The following PCDH9 variants were observed in gnomAD, a reference collection of about 807,000 sequenced individuals.
PCDH9 encodes protocadherin-9.
A neutral mutation model predicts 70.6 loss-of-function variants in PCDH9; 24 were observed. The ratio of observed to expected loss-of-function variants is 0.34; its 90% confidence interval spans 0.25 to 0.48. PCDH9 has a LOEUF of 0.48. Ranked by LOEUF, PCDH9 falls within the 20% of genes least tolerant of loss-of-function variation. PCDH9 has a pLI of 0.99. For missense variants in PCDH9, 1,281 were observed against 1,503.6 expected (o/e 0.85, Z 2.45); for synonymous variants, 562 against 558.5 (o/e 1.01, Z -0.09).
In PCDH9 at chr13:66,849,515, T is replaced by TAGAGAGAG. The variant is rs1315844570; in HGVS notation, c.3138+53988_3138+53989insCTCTCTCT. 4.8e-3 allele frequency among the ~76,000 whole-genome samples: 348 copies of TAGAGAGAG among 72,452 alleles called. 4 individuals carry two copies. Among genetic ancestry groups the TAGAGAGAG allele is most frequent in the African/African-American group, 9.6e-3 (146 of 15,192 alleles). The allele number at this position is 72,452 out of a possible 152,430, so 47.5% of individuals were successfully genotyped here. On this transcript the variant is annotated intron_variant, in intron 3 of 4. Coordinates refer to ENST00000377865, the MANE Select transcript of PCDH9 (RefSeq NM_203487.3). Reference sequence around the variant, plus strand: ...ATATATATATATATATATATATATATATAGAGAGAGAGAGAGAGAGAGAGA... The same window carrying TAGAGAGAG: ...ATATATATATATATATATATATATATAGAGAGAGATAGAGAGAGAGAGAGAGAGAGAGA...
At chr13:66,962,719 A>G (rs779776399) in intron 2 of PCDH9, among the ~76,000 whole-genome samples, 1 of 152,242 alleles carries the variant, frequency 6.6e-6, no homozygotes, top group Non-Finnish European at 1.5e-5. Context: ...ATTACATCAC[A>G]CTTGGCTGTA....
intron 2 of PCDH9, among the ~76,000 whole-genome samples, chr13:67,115,688 C>T (rs1016754336): frequency 3.3e-5 from 5 of 151,370 alleles, no homozygotes; most frequent in Admixed American, 1.3e-4. Context: ...TGGATATTGA[C>T]CAGTTTTACC....
chr13:66,832,147 G>A (rs1290480998), intron 3 of PCDH9, among the ~76,000 whole-genome samples: 1 of 152,018 alleles, frequency 6.6e-6, no homozygotes, highest in Non-Finnish European at 1.5e-5. Flanking sequence ...ATTGCTAGCT[G>A]AGAGGAACAA....
At chr13:66,995,714 C>T (rs939030510) in intron 2 of PCDH9, among the ~76,000 whole-genome samples, 1 of 152,132 alleles carries the variant, frequency 6.6e-6, no homozygotes, top group African/African-American at 2.4e-5. Context: ...TTTCTTCTTT[C>T]AGGCAAACCT....
At chr13:66,808,970 C>T (rs769029112) in intron 3 of PCDH9, among the ~76,000 whole-genome samples, 11 of 152,138 alleles carry the variant, frequency 7.2e-5, no homozygotes, top group African/African-American at 1.2e-4. Flanking sequence ...TGTTTTGAGA[C>T]GGAGTCTTGC....
At position 66,508,337 on chromosome 13, in the gene PCDH9, T is replaced by A. The variant is rs137913068; in HGVS notation, c.3340+122873A>T. Among the ~76,000 whole-genome samples the A allele has an allele frequency of 1.1e-3, 166 of 152,240 alleles. 2 individuals are homozygous for A. In the East Asian group the frequency reaches 0.026, roughly 24 times the overall value. ...GAAATATTTTGGAACTAGATGGAGA[T>A]GGTGGTTGCGCAACATTGTTAATGT... On this transcript the variant is annotated intron_variant, in intron 4 of 4. Coordinates refer to ENST00000377865, the MANE Select transcript of PCDH9 (RefSeq NM_203487.3).
At chr13:67,067,183 G>A (rs2085664715) in intron 2 of PCDH9, among the ~76,000 whole-genome samples, 2 of 152,024 alleles carry the variant, frequency 1.3e-5, no homozygotes, top group South Asian at 4.1e-4. Context: ...TTTAATTGTG[G>A]GAGAAGGTGT....
intron 4 of PCDH9, among the ~76,000 whole-genome samples, chr13:66,616,040 C>A (rs1593782452): frequency 6.6e-6 from 1 of 152,216 alleles, no homozygotes; most frequent in African/African-American, 2.4e-5. Flanking sequence ...GCTTGACTTA[C>A]AGAGCCGATA....
At chr13:66,702,127 C>T (rs929006698) in intron 3 of PCDH9, among the ~76,000 whole-genome samples, 1 of 152,138 alleles carries the variant, frequency 6.6e-6, no homozygotes, top group Non-Finnish European at 1.5e-5. Flanking sequence ...AGTTTAATAA[C>T]TTTAAGACAG....
intron 4 of PCDH9, among the ~76,000 whole-genome samples, chr13:66,622,311 C>T (rs2077433903): frequency 6.6e-6 from 1 of 152,208 alleles, no homozygotes; most frequent in Non-Finnish European, 1.5e-5. Context: ...TCCCATCGAC[C>T]ACCCAAGGGC....
At chr13:66,428,769 T>G (rs1046981315) in intron 4 of PCDH9, among the ~76,000 whole-genome samples, 2 of 151,848 alleles carry the variant, frequency 1.3e-5, no homozygotes, top group African/African-American at 4.8e-5. Context: ...AATTAGATTA[T>G]TAAATTCAGC....
At chr13:67,112,459 C>T (rs1005506683) in intron 2 of PCDH9, among the ~76,000 whole-genome samples, 1 of 152,110 alleles carries the variant, frequency 6.6e-6, no homozygotes, top group African/African-American at 2.4e-5. Context: ...TTTTATTTCA[C>T]TCTCTGCATC....
intron 3 of PCDH9, among the ~76,000 whole-genome samples, chr13:66,860,942 T>C (rs532546518): frequency 6.6e-6 from 1 of 152,342 alleles, no homozygotes; most frequent in African/African-American, 2.4e-5. Flanking sequence ...AAGGAAATCA[T>C]GACACAGCTG....
At chr13:66,587,768 A>G (rs1431489027) in intron 4 of PCDH9, among the ~76,000 whole-genome samples, 1 of 147,932 alleles carries the variant, frequency 6.8e-6, no homozygotes, top group African/African-American at 2.5e-5. Flanking sequence ...TCAGCAATAC[A>G]ACAGAAGTGA....
In PCDH9 at chr13:66,337,378, T is replaced by C. The variant is rs141694662; in HGVS notation, c.3341-32350A>G. ...AAAGGATAACTCTTCTTTGAAAAAC[T>C]AGGTAAGTGATTCACCCAAAAGACC... is the stretch of plus-strand genomic sequence containing the variant. On this transcript the variant is annotated intron_variant, in intron 4 of 4. Coordinates refer to ENST00000377865, the MANE Select transcript of PCDH9 (RefSeq NM_203487.3). Among the ~76,000 whole-genome samples the C allele has an allele frequency of 5.7e-3, 862 of 152,140 alleles. 8 individuals carry two copies. The highest frequency in any genetic ancestry group is 0.02 in the African/African-American group (812 of 41,534).
At chr13:66,596,273 T>A (rs2077101731) in intron 4 of PCDH9, among the ~76,000 whole-genome samples, 1 of 151,708 alleles carries the variant, frequency 6.6e-6, no homozygotes. Context: ...TTCATTAAAC[T>A]TATCTGTTCT....
intron 3 of PCDH9, among the ~76,000 whole-genome samples, chr13:66,648,460 G>A (rs1178859981): frequency 1.3e-5 from 2 of 152,248 alleles, no homozygotes; most frequent in African/African-American, 4.8e-5. Context: ...AGACCACCAA[G>A]GTGGTACCTT....
intron 3 of PCDH9, among the ~76,000 whole-genome samples, chr13:66,701,755 T>A (rs2078650816): frequency 6.6e-6 from 1 of 152,194 alleles, no homozygotes; most frequent in Admixed American, 6.6e-5. Context: ...TTCTTTAATA[T>A]TTTGTGTGAA....
At chr13:66,550,736 G>A (rs183241340) in intron 4 of PCDH9, among the ~76,000 whole-genome samples, 2 of 152,266 alleles carry the variant, frequency 1.3e-5, no homozygotes, top group African/African-American at 4.8e-5. Flanking sequence ...GTCACTTGCA[G>A]CTAAACCCCC....
Sources: gnomAD v4.1 joint callset for allele counts (sites outside exome capture counted in the v4.1 genomes callset) on GRCh38, gnomAD v4.1.1 for gene constraint, MANE v1.5 for transcripts, NCBI Gene and HGNC (gene_info 2026-07-23, HGNC 2026-07-21) for gene names.